The following SLC25A26 variants were observed in gnomAD, a reference collection of about 807,000 sequenced individuals.
SLC25A26 encodes mitochondrial S-adenosylmethionine carrier protein.
SLC25A26 carries 36 observed loss-of-function variants against 37.8 expected under a neutral mutation model. That is an observed-to-expected ratio of 0.95 (90% CI 0.73 to 1.26). The LOEUF is 1.26. Ranked by LOEUF, SLC25A26 falls within the 50% of genes most tolerant of loss-of-function variation. The pLI, the probability that SLC25A26 is intolerant of heterozygous loss-of-function variation, is 0.00. For missense variants in SLC25A26, 390 were observed against 331.1 expected (o/e 1.18, Z -1.38); for synonymous variants, 129 against 122.5 (o/e 1.05, Z -0.35).
intron 5 of SLC25A26, among the ~76,000 whole-genome samples, chr3:66,331,239 C>A (rs1247743118): frequency 6.6e-6 from 1 of 151,570 alleles, no homozygotes; most frequent in African/African-American, 2.4e-5. Context: ...GTTATTTTTT[C>A]TTTTACTGTA....
At chr3:66,144,268 T>A (rs1188099884) in intron 1 of SLC25A26, among the ~76,000 whole-genome samples, 3 of 152,144 alleles carry the variant, frequency 2.0e-5, no homozygotes, top group Non-Finnish European at 4.4e-5. Flanking sequence ...AATGTCACTG[T>A]GGCTGGAACT....
chr3:66,371,150 C>G, intron 9 of SLC25A26: 3 of 1,427,986 alleles, frequency 2.1e-6, no homozygotes, highest in Non-Finnish European at 2.8e-6. Flanking sequence ...CTTGTGAAGC[C>G]GCCTGAATGT....
intron 1 of SLC25A26, among the ~76,000 whole-genome samples, chr3:66,139,414 A>G (rs2070000849): frequency 6.6e-6 from 1 of 152,248 alleles, no homozygotes; most frequent in African/African-American, 2.4e-5. Flanking sequence ...AGCAAGATAC[A>G]TTTGCAATTT....
intron 5 of SLC25A26, among the ~76,000 whole-genome samples, chr3:66,293,436 A>G (rs955866439): frequency 6.6e-6 from 1 of 150,636 alleles, no homozygotes; most frequent in Non-Finnish European, 1.5e-5. Flanking sequence ...TTATGTAGGG[A>G]GACTTGTGTC....
At chr3:66,268,982 T>C (rs1052362984) in intron 5 of SLC25A26, among the ~76,000 whole-genome samples, 3 of 152,186 alleles carry the variant, frequency 2.0e-5, no homozygotes, top group Non-Finnish European at 2.9e-5. Context: ...CTTTATAAAT[T>C]ACTCAGTCTC....
Position 66,221,002 on chromosome 3 carries a change from G to A in SLC25A26, c.-93G>A, listed in dbSNP as rs2071458993. 1.5e-6 allele frequency: 2 copies of A among 1,372,272 alleles called. No individual in the cohort carries two copies. The highest frequency in any genetic ancestry group is 2.0e-6 in the Non-Finnish European group (2 of 997,382). 85.0% of individuals were successfully genotyped at this position (1,372,272 alleles called of 1,614,324 possible). ...CACGTGGTCCCGGAAGTTCAAGACA[G>A]ACCCGCCTCAAACATGGCGGCGCCC... On this transcript the variant is annotated 5_prime_UTR_variant, in exon 1 of 10. Transcript: ENST00000354883.
chr3:66,242,376 C>T (rs545489192), intron 2 of SLC25A26, among the ~76,000 whole-genome samples: 173 of 152,298 alleles, frequency 1.1e-3, no homozygotes, highest in Non-Finnish European at 1.9e-3. Flanking sequence ...CATTCATGGA[C>T]AGAGTGCCTC....
intron 5 of SLC25A26, among the ~76,000 whole-genome samples, chr3:66,277,850 A>G (rs2074209331): frequency 6.6e-6 from 1 of 152,134 alleles, no homozygotes. Flanking sequence ...TTCTTGCCAA[A>G]GATGCATAAT....
chr3:66,360,499 G>A (rs13327740), intron 6 of SLC25A26, among the ~76,000 whole-genome samples: 43,979 of 151,794 alleles, frequency 0.29, 7,218 homozygotes, highest in East Asian at 0.67. Flanking sequence ...AATTTGATGA[G>A]CTTTATAAAA....
intron 6 of SLC25A26, among the ~76,000 whole-genome samples, chr3:66,354,724 G>A (rs963391198): frequency 3.3e-5 from 5 of 152,094 alleles, no homozygotes; most frequent in African/African-American, 1.2e-4. Flanking sequence ...ATCTGGTGTC[G>A]GGGAGGAACC....
At chr3:66,368,528 T>C (rs1216472283) in intron 7 of SLC25A26, among the ~76,000 whole-genome samples, 1 of 152,156 alleles carries the variant, frequency 6.6e-6, no homozygotes. Context: ...TAAGAAGATG[T>C]AGAAGAGAGC....
chr3:66,254,295 A>T (rs1680406), intron 3 of SLC25A26, among the ~76,000 whole-genome samples: 84,822 of 152,174 alleles, frequency 0.56, 25,475 homozygotes, highest in African/African-American at 0.79. Flanking sequence ...AAAGAGATGT[A>T]AAATATTCTT....
chr3:66,352,388 C>T (rs1419430224), intron 6 of SLC25A26, among the ~76,000 whole-genome samples: 3 of 151,380 alleles, frequency 2.0e-5, no homozygotes, highest in Admixed American at 1.3e-4. Context: ...GGCCACGTTG[C>T]GCTGACTGTG....
chr3:66,236,876 G>C (rs181120306), intron 2 of SLC25A26, 176 bp downstream of exon 2: 2 of 226,388 alleles, frequency 8.8e-6, no homozygotes, highest in Admixed American at 1.3e-4. Flanking sequence ...TCACTTTGTC[G>C]CCCAGGTGGG....
chr3:66,243,390 T>A, intron 3 of SLC25A26, 78 bp downstream of exon 3: 2 of 685,710 alleles, frequency 2.9e-6, no homozygotes, highest in South Asian at 4.1e-5. Flanking sequence ...TTTATTTCAT[T>A]TTTTAAAAAT....
intron 5 of SLC25A26, among the ~76,000 whole-genome samples, chr3:66,318,495 G>A (rs566790579): frequency 6.6e-6 from 1 of 151,960 alleles, no homozygotes; most frequent in Non-Finnish European, 1.5e-5. Flanking sequence ...GCTCTCCATG[G>A]GTCATGCCAA....
At chr3:66,187,937 C>T (rs1356892784) in intron 1 of SLC25A26, among the ~76,000 whole-genome samples, 1 of 152,094 alleles carries the variant, frequency 6.6e-6, no homozygotes, top group Non-Finnish European at 1.5e-5. Context: ...TTTATTCTCA[C>T]CCTGAACCTA....
rs782000699 is a variant in SLC25A26 at position 66,221,110 on chromosome 3, T to A, written c.16T>A (p.Phe6Ile). The A allele has an allele frequency of 3.9e-6, 6 of 1,531,136 alleles. No individual in the cohort carries two copies. The African/African-American group carries it at 8.3e-5, about 21-fold the overall frequency. The allele number at this position is 1,531,136 out of a possible 1,614,324, so 94.8% of individuals were successfully genotyped here. A position where few individuals can be genotyped will look rare whatever the true frequency, so the allele number is the denominator to read the frequency against. Reference protein sequence around the residue: MDRPGFVAALVAGGVA... With the variant: MDRPGIVAALVAGGVA... ...CTGAGCGACCATGGACCGGCCGGGGTTCGTGGCAGCGCTGGTGGTGAGTGC... is the reference window on the plus strand; with the variant it reads ...CTGAGCGACCATGGACCGGCCGGGGATCGTGGCAGCGCTGGTGGTGAGTGC... Residue 6 changes from phenylalanine to isoleucine, a missense_variant, in exon 1 of 10, where the codon TTC (phenylalanine) becomes ATC (isoleucine). By Grantham distance (21) the Phe-to-Ile change is conservative. Transcript: ENST00000354883.
intron 1 of SLC25A26, among the ~76,000 whole-genome samples, chr3:66,233,056 C>G (rs551353914): frequency 3.6e-4 from 55 of 152,318 alleles, no homozygotes; most frequent in Admixed American, 3.3e-3. Flanking sequence ...ATGGCTGGCT[C>G]TTCTTAGCTG....
Sources: allele counts gnomAD v4.1 joint callset (sites outside exome capture counted in the v4.1 genomes callset), GRCh38; gene constraint gnomAD v4.1.1; transcripts MANE v1.5; gene names NCBI Gene and HGNC (gene_info 2026-07-23, HGNC 2026-07-21).